ZSWIM6: variants seen among roughly 807,000 people sequenced by gnomAD.
ZSWIM6 encodes the protein zinc finger SWIM domain-containing protein 6.
Under a neutral mutation model 113.2 loss-of-function variants are expected in ZSWIM6, and 9 were observed. The observed-to-expected ratio is 0.08, with a 90% confidence interval of 0.05 to 0.14. The LOEUF is 0.14. ZSWIM6 is among the 10% of genes least tolerant of loss of function. The pLI is 1.00. For synonymous variants in ZSWIM6, 611 were observed against 606.5 expected (o/e 1.01, Z -0.11); for missense variants, 1,162 against 1,552.2 (o/e 0.75, Z 4.22).
intron 7 of ZSWIM6, among the ~76,000 whole-genome samples, chr5:61,527,181 T>C (rs745486739): frequency 1.3e-5 from 2 of 152,214 alleles, no homozygotes; most frequent in African/African-American, 4.8e-5. Flanking sequence ...AAGACCCTGA[T>C]CAGATAAAGA....
intron 7 of ZSWIM6, 124 bp from the exon 8 acceptor site, chr5:61,529,928 G>T (rs898182740): frequency 2.4e-6 from 2 of 817,002 alleles, no homozygotes; most frequent in Non-Finnish European, 3.5e-6. Context: ...AGAGAATTTC[G>T]AACAGAATTC....
chr5:61,341,308 C>A (rs1744539714), intron 1 of ZSWIM6, among the ~76,000 whole-genome samples: 1 of 152,212 alleles, frequency 6.6e-6, no homozygotes, highest in Non-Finnish European at 1.5e-5. Flanking sequence ...CTCTGGCCAC[C>A]TGCTACCTTG....
At chr5:61,447,411 CCTCT>C (rs1746984524) in intron 1 of ZSWIM6, among the ~76,000 whole-genome samples, 1 of 152,180 alleles carries the variant, frequency 6.6e-6, no homozygotes, top group South Asian at 2.1e-4. Flanking sequence ...AGGTTGCTTT[CCTCT>C]CTCAGTCAGT....
chr5:61,452,117 T>C (rs1176540710), intron 1 of ZSWIM6, among the ~76,000 whole-genome samples: 1 of 152,192 alleles, frequency 6.6e-6, no homozygotes, highest in Non-Finnish European at 1.5e-5. Flanking sequence ...TCCTGAGCTT[T>C]GAGTCAATCA....
intron 2 of ZSWIM6, among the ~76,000 whole-genome samples, chr5:61,483,280 C>A (rs1053917495): frequency 6.6e-6 from 1 of 152,068 alleles, no homozygotes; most frequent in Non-Finnish European, 1.5e-5. Flanking sequence ...ACCCATTAAT[C>A]CATTAATACA....
In ZSWIM6 at chr5:61,545,987, T is replaced by A. The variant is rs1223658239; in HGVS notation, c.*1670T>A. On this transcript the variant is annotated 3_prime_UTR_variant, in exon 14 of 14. Coordinates refer to ENST00000252744, the MANE Select transcript of ZSWIM6 (RefSeq NM_020928.2). Reference sequence around the variant, plus strand: ...ATTTCATGCGCTCCATTTTATTTATTATAATAGGTAAAAAGAAAAAAAAAG... The same window carrying A: ...ATTTCATGCGCTCCATTTTATTTATAATAATAGGTAAAAAGAAAAAAAAAG... 6.6e-6 allele frequency: 1 copy of A among 152,140 alleles called. No individual in the cohort carries two copies. Among genetic ancestry groups the A allele is most frequent in the Non-Finnish European group, 1.5e-5 (1 of 68,018 alleles). The allele number at this position is 152,140 out of a possible 1,614,324, so 9.4% of individuals were successfully genotyped here. A position where few individuals can be genotyped will look rare whatever the true frequency, so the allele number is the denominator to read the frequency against.
intron 1 of ZSWIM6, among the ~76,000 whole-genome samples, chr5:61,388,031 G>A: frequency 7.1e-6 from 1 of 141,510 alleles, no homozygotes; most frequent in Non-Finnish European, 1.5e-5. Flanking sequence ...TGCCCAGGCT[G>A]GAGTGCAGTG....
intron 4 of ZSWIM6, among the ~76,000 whole-genome samples, chr5:61,519,784 G>T (rs1749063454): frequency 6.6e-6 from 1 of 152,094 alleles, no homozygotes; most frequent in African/African-American, 2.4e-5. Context: ...TGGCACCAGG[G>T]ACTGGTTTCA....
At chr5:61,540,916 G>GT (rs34749703) in intron 12 of ZSWIM6, among the ~76,000 whole-genome samples, 5,476 of 93,824 alleles carry the variant, frequency 0.058, 461 homozygotes, top group African/African-American at 0.22. Context: ...TATTTTGTGG[G>GT]TTTTTTTTTT....
intron 1 of ZSWIM6, among the ~76,000 whole-genome samples, chr5:61,369,746 C>G (rs754353317): frequency 1.3e-5 from 2 of 152,000 alleles, no homozygotes; most frequent in African/African-American, 4.8e-5. Flanking sequence ...ACCCACCATG[C>G]GAAAATAAAA....
chr5:61,342,636 A>G (rs1386321375), intron 1 of ZSWIM6, among the ~76,000 whole-genome samples: 1 of 152,184 alleles, frequency 6.6e-6, no homozygotes, highest in African/African-American at 2.4e-5. Flanking sequence ...TGACTTTCAC[A>G]GTGGCCTGGA....
chr5:61,332,647 G>A lies in ZSWIM6; in HGVS notation c.375G>A (p.Ser125=). 2.6e-6 allele frequency: 3 copies of A among 1,168,726 alleles called. No individual in the cohort carries two copies. Among genetic ancestry groups the A allele is most frequent in the South Asian group, 1.9e-5 (1 of 52,126 alleles). 72.4% of individuals were successfully genotyped at this position (1,168,726 alleles called of 1,614,324 possible). A position where few individuals can be genotyped will look rare whatever the true frequency, so the allele number is the denominator to read the frequency against. Residue 125 remains serine (S), a synonymous_variant, in exon 1 of 14, where the codon TCG becomes TCA. Coordinates refer to ENST00000252744, the MANE Select transcript of ZSWIM6 (RefSeq NM_020928.2). ...GCGAGCGGGAGATCTGCATGTACTC[G>A]TCCTTCAACACCGGCGGCGGCGCCG... ...PRSEREICMY[S]SFNTGGGAAG... is the part of the protein sequence containing the mutation.
intron 1 of ZSWIM6, among the ~76,000 whole-genome samples, chr5:61,459,102 T>A (rs1378978740): frequency 6.6e-6 from 1 of 152,204 alleles, no homozygotes; most frequent in Non-Finnish European, 1.5e-5. Flanking sequence ...GGGTTTACAT[T>A]TCTTGTTAAA....
intron 1 of ZSWIM6, among the ~76,000 whole-genome samples, chr5:61,432,613 C>T (rs1376543166): frequency 1.3e-5 from 2 of 152,162 alleles, no homozygotes; most frequent in African/African-American, 2.4e-5. Flanking sequence ...GCCTATCCTG[C>T]CCCATGAACA....
intron 1 of ZSWIM6, among the ~76,000 whole-genome samples, chr5:61,455,709 A>C (rs1251558536): frequency 1.3e-5 from 2 of 152,152 alleles, no homozygotes; most frequent in Admixed American, 6.6e-5. Context: ...TGAGGGCAAT[A>C]CTGGGAGCAC....
intron 1 of ZSWIM6, among the ~76,000 whole-genome samples, chr5:61,458,288 A>G (rs575883138): frequency 1.3e-5 from 2 of 152,338 alleles, no homozygotes; most frequent in East Asian, 1.9e-4. Flanking sequence ...GGTTTTCACC[A>G]TGCATTTTGA....
At position 61,538,965 on chromosome 5, in the gene ZSWIM6, G is replaced by A; in HGVS notation, c.2533G>A (p.Ala845Thr). The A allele has an allele frequency of 1.9e-6, 3 of 1,551,342 alleles. No homozygotes were observed. The highest frequency in any genetic ancestry group is 2.6e-6 in the Non-Finnish European group (3 of 1,146,760). Reference sequence around the variant, plus strand: ...GCTGGCATCCACCATGCTAACTGCAGCCAAAGGTACTGTACTGTCCTGAGG... The same window carrying A: ...GCTGGCATCCACCATGCTAACTGCAACCAAAGGTACTGTACTGTCCTGAGG... ...CELASTMLTAAKGDVRRLETV... is the reference protein window; with the variant it reads ...CELASTMLTATKGDVRRLETV... Residue 845 changes from alanine to threonine, a missense_variant, in exon 11 of 14, where the codon GCC (alanine) becomes ACC (threonine). This residue lies in a region of ZSWIM6 where 620 missense variants were observed against 804.6 expected (regional missense o/e 0.77). Transcript: ENST00000252744.
At chr5:61,441,310 G>C (rs1746828970) in intron 1 of ZSWIM6, among the ~76,000 whole-genome samples, 1 of 152,082 alleles carries the variant, frequency 6.6e-6, no homozygotes, top group South Asian at 2.1e-4. Flanking sequence ...CTGGATGTGA[G>C]GATAGCTTTA....
intron 1 of ZSWIM6, among the ~76,000 whole-genome samples, chr5:61,408,211 A>C (rs893943125): frequency 6.6e-6 from 1 of 152,248 alleles, no homozygotes; most frequent in African/African-American, 2.4e-5. Flanking sequence ...ATATATGTGT[A>C]TTTCCTTATG....
Sources: allele counts gnomAD v4.1 joint callset (sites outside exome capture counted in the v4.1 genomes callset), GRCh38; gene constraint gnomAD v4.1.1; regional missense constraint gnomAD v4.1.1; transcripts MANE v1.5; gene names NCBI Gene and HGNC (gene_info 2026-07-23, HGNC 2026-07-21).